The following MTUS2 variants were observed in gnomAD, a reference collection of about 807,000 sequenced individuals.
The protein encoded by MTUS2 is microtubule associated scaffold protein 2.
A neutral mutation model predicts 114.1 loss-of-function variants in MTUS2; 40 were observed. The ratio of observed to expected loss-of-function variants is 0.35; its 90% CI spans 0.27 to 0.46. The LOEUF is 0.46. Among genes scored for constraint, MTUS2 ranks in the 20% least tolerant of loss-of-function variants. The pLI is 1.00. For synonymous variants in MTUS2, 688 were observed against 672.0 expected (o/e 1.02, Z -0.37); for missense variants, 1,679 against 1,705.4 (o/e 0.98, Z 0.27).
At chr13:29,452,760 A>G (rs948991792) in intron 9 of MTUS2, among the ~76,000 whole-genome samples, 5 of 152,014 alleles carry the variant, frequency 3.3e-5, no homozygotes, top group African/African-American at 9.7e-5. Context: ...ATATTTTTAA[A>G]TCTGTGAGTT....
chr13:29,026,321 T>G lies in MTUS2; in HGVS notation c.1623T>G (p.Thr541=). ...CAGCACCCCTCCACCCAGAGACAAC[T>G]GTGAACATGACCTACCAGCCTACAA... The part of the protein sequence containing the change: ...NIPAPLHPET[T]VNMTYQPTTP... The change falls in exon 3 of 16, where the codon ACT becomes ACG. Residue 541 remains threonine, a synonymous_variant. Transcript: ENST00000612955. 1 of 1,613,954 alleles carries G rather than the reference T, an allele frequency of 6.2e-7. No individual in the cohort carries two copies. The highest frequency in any genetic ancestry group is 8.5e-7 in the Non-Finnish European group (1 of 1,179,866).
intron 5 of MTUS2, among the ~76,000 whole-genome samples, chr13:29,247,731 A>T (rs1896978537): frequency 1.3e-5 from 2 of 152,222 alleles, no homozygotes; most frequent in South Asian, 4.1e-4. Flanking sequence ...AATGCCCGTA[A>T]TCAAAAAATC....
intron 5 of MTUS2, among the ~76,000 whole-genome samples, chr13:29,247,158 G>A (rs944090997): frequency 6.6e-6 from 1 of 152,150 alleles, no homozygotes; most frequent in Non-Finnish European, 1.5e-5. Flanking sequence ...AAAACATAAA[G>A]TGGGGAAAGG....
At chr13:29,485,975 C>G (rs1881588671) in intron 10 of MTUS2, among the ~76,000 whole-genome samples, 1 of 152,136 alleles carries the variant, frequency 6.6e-6, no homozygotes, top group African/African-American at 2.4e-5. Context: ...GTGCCATGGC[C>G]TAAGTGACAC....
At chr13:29,202,384 T>C (rs868536700) in intron 5 of MTUS2, among the ~76,000 whole-genome samples, 3 of 152,216 alleles carry the variant, frequency 2.0e-5, no homozygotes, top group African/African-American at 4.8e-5. Flanking sequence ...TTTAAACTGG[T>C]TATTCCAGTT....
intron 6 of MTUS2, among the ~76,000 whole-genome samples, chr13:29,285,227 A>G (rs1017824910): frequency 2.0e-5 from 3 of 151,740 alleles, no homozygotes; most frequent in African/African-American, 7.2e-5. Context: ...AACTAGTCAC[A>G]TTGGAGGATG....
At chr13:29,322,560 A>T (rs1256380866) in intron 6 of MTUS2, among the ~76,000 whole-genome samples, 1 of 152,158 alleles carries the variant, frequency 6.6e-6, no homozygotes, top group African/African-American at 2.4e-5. Flanking sequence ...ACACTAAGCA[A>T]ACAGGTGAGG....
At chr13:29,092,724 G>A (rs1890014829) in intron 4 of MTUS2, among the ~76,000 whole-genome samples, 1 of 150,532 alleles carries the variant, frequency 6.6e-6, no homozygotes, top group Non-Finnish European at 1.5e-5. Context: ...GAGGCCCTGG[G>A]CAGAGACGTC....
chr13:29,297,557 G>A lies in MTUS2; in HGVS notation c.2806+15692G>A, dbSNP rs894036252. ...TCTGCTATTTAAATATTCTTACTTCGATGGAAGCCAATTAATTGCATTTTA... is the reference window on the plus strand; with the variant it reads ...TCTGCTATTTAAATATTCTTACTTCAATGGAAGCCAATTAATTGCATTTTA... On this transcript the variant is annotated intron_variant, in intron 6 of 15. Coordinates refer to ENST00000612955, the MANE Select transcript of MTUS2 (RefSeq NM_001033602.4). Among the ~76,000 whole-genome samples, 7 of 152,088 alleles carry A rather than the reference G, an allele frequency of 4.6e-5. No individual in the cohort carries two copies. In the South Asian group the frequency reaches 1.2e-3, roughly 27 times the overall value.
intron 1 of MTUS2, among the ~76,000 whole-genome samples, chr13:28,839,033 T>C (rs923391967): frequency 1.3e-5 from 2 of 151,826 alleles, no homozygotes; most frequent in Non-Finnish European, 2.9e-5. Context: ...AATTATGAAA[T>C]TGCGATATGT....
intron 15 of MTUS2, 73 bp downstream of exon 15, chr13:29,501,267 C>G: frequency 8.8e-7 from 1 of 1,141,770 alleles, no homozygotes; most frequent in Non-Finnish European, 1.3e-6. Context: ...TCCAGTTTCC[C>G]TCACTCTGGC....
intron 5 of MTUS2, among the ~76,000 whole-genome samples, chr13:29,181,805 TG>T (rs1339510764): frequency 1.3e-5 from 2 of 151,810 alleles, no homozygotes; most frequent in Non-Finnish European, 2.9e-5. Context: ...TGTGTGTGTG[TG>T]TGTGTGTGTG....
chr13:29,177,226 A>G (rs1048891341), intron 5 of MTUS2, among the ~76,000 whole-genome samples: 8 of 150,776 alleles, frequency 5.3e-5, no homozygotes, highest in Non-Finnish European at 1.2e-4. Flanking sequence ...TTTAGGGGAG[A>G]GTTCTGGGTT....
intron 7 of MTUS2, among the ~76,000 whole-genome samples, chr13:29,354,500 G>T (rs902070565): frequency 1.3e-5 from 2 of 152,014 alleles, no homozygotes; most frequent in African/African-American, 4.8e-5. Context: ...TCTAGAGAGT[G>T]GGTTATATGA....
intron 2 of MTUS2, among the ~76,000 whole-genome samples, chr13:28,917,592 A>G (rs776356659): frequency 6.8e-6 from 1 of 147,778 alleles, no homozygotes; most frequent in Non-Finnish European, 1.5e-5. Context: ...TTCTGATTTT[A>G]TTTGTTCGGG....
intron 7 of MTUS2, among the ~76,000 whole-genome samples, chr13:29,351,143 T>C (rs1271657673): frequency 6.6e-6 from 1 of 151,906 alleles, no homozygotes; most frequent in Non-Finnish European, 1.5e-5. Context: ...GGTGGAGAGA[T>C]CTGGGAGGGA....
chr13:28,986,816 A>T (rs1034741634), intron 2 of MTUS2, among the ~76,000 whole-genome samples: 2 of 152,208 alleles, frequency 1.3e-5, no homozygotes, highest in Non-Finnish European at 2.9e-5. Context: ...TTTACATTAC[A>T]ATTAAAATAA....
chr13:28,961,773 G>GTGAGTTTTTCCACTT (rs1248375890), intron 2 of MTUS2, among the ~76,000 whole-genome samples: 1 of 152,116 alleles, frequency 6.6e-6, no homozygotes, highest in Non-Finnish European at 1.5e-5. Flanking sequence ...TTTGGATCAT[G>GTGAGTTTTTCCACTT]TGAGTTTTTC....
chr13:29,072,295 C>T (rs1029842828), intron 4 of MTUS2: 1 of 152,176 alleles, frequency 6.6e-6, no homozygotes, highest in African/African-American at 2.4e-5. Context: ...GAATTACTCT[C>T]ATTTTCAAGC....
Sources: gnomAD v4.1 joint callset for allele counts (sites outside exome capture counted in the v4.1 genomes callset) on GRCh38, gnomAD v4.1.1 for gene constraint, MANE v1.5 for transcripts, NCBI Gene and HGNC (gene_info 2026-07-23, HGNC 2026-07-21) for gene names.